Variants in SERPINB12 observed in about 807,000 individuals in gnomAD.
SERPINB12 encodes the protein serpin family B member 12, also known as serpin B12.
SERPINB12 carries 57 observed loss-of-function variants against 41.1 expected under a neutral mutation model. That is an observed-to-expected ratio of 1.39 (90% confidence interval 1.12 to 1.73). The LOEUF (loss-of-function observed/expected upper bound fraction) is 1.73. Ranked by LOEUF, SERPINB12 falls within the 40% of genes most tolerant of loss-of-function variation. SERPINB12 has a pLI of 0.00. For synonymous variants in SERPINB12, 180 were observed against 181.3 expected, an observed-to-expected ratio of 0.99 and a Z score of 0.06; for missense variants, 536 against 501.9, an observed-to-expected ratio of 1.07 and a Z score of -0.65.
chr18:63,543,808 G>A lies in SERPINB12; in HGVS notation c.-19+1316G>A, dbSNP rs559361041. 6.6e-5 allele frequency among the ~76,000 whole-genome samples: 10 copies of A among 152,202 alleles called. No homozygotes were observed. The East Asian group carries it at 1.9e-3, about 29-fold the overall frequency. On this transcript the variant is annotated intron_variant, in intron 1 of 7. Transcript: ENST00000382768. ...ATTTTTGTATTTTTAGTAGAGATGA[G>A]GTTTTGCCATGTTGGCCAGGCTGGT...
chr18:63,546,164 C>G (rs889285677), intron 1 of SERPINB12, among the ~76,000 whole-genome samples: 2 of 152,066 alleles, frequency 1.3e-5, no homozygotes, highest in Non-Finnish European at 2.9e-5. Flanking sequence ...TGTTGTCTGA[C>G]AACAAGTTAG....
At chr18:63,543,043 G>T (rs1336580511) in intron 1 of SERPINB12, among the ~76,000 whole-genome samples, 1 of 152,124 alleles carries the variant, frequency 6.6e-6, no homozygotes, top group Non-Finnish European at 1.5e-5. Context: ...AGATCATGCT[G>T]CTACTTTCTA....
the SERPINB12 span, among the ~76,000 whole-genome samples, chr18:63,531,310 C>T: frequency 1.3e-5 from 2 of 152,144 alleles, no homozygotes; most frequent in Non-Finnish European, 2.9e-5. Flanking sequence ...CTAATTTGTG[C>T]CAACTTCACA....
At chr18:63,524,997 G>A in the SERPINB12 span, among the ~76,000 whole-genome samples, 1 of 151,826 alleles carries the variant, frequency 6.6e-6, no homozygotes, top group Non-Finnish European at 1.5e-5. Context: ...TGATCTACCA[G>A]TCTCGGCCTC....
intron 6 of SERPINB12, among the ~76,000 whole-genome samples, chr18:63,564,351 T>C (rs1477167767): frequency 1.3e-5 from 2 of 152,242 alleles, no homozygotes; most frequent in Non-Finnish European, 2.9e-5. Context: ...CATTATGAGA[T>C]GGGTGTTATT....
upstream of SERPINB12, among the ~76,000 whole-genome samples, chr18:63,538,746 T>C (rs1005511210): frequency 3.9e-5 from 6 of 152,324 alleles, no homozygotes; most frequent in Admixed American, 3.9e-4. Context: ...ACTCAATGTT[T>C]AGCATTTTCA....
the SERPINB12 span, among the ~76,000 whole-genome samples, chr18:63,528,792 A>G: frequency 1.3e-5 from 2 of 152,156 alleles, no homozygotes; most frequent in Non-Finnish European, 2.9e-5. Context: ...CTCCAAAAGG[A>G]CACTTGTCTT....
rs894605164 is a variant in SERPINB12, at chr18:63,567,043, G to A, written c.*32G>A. The A allele has an allele frequency of 1.3e-6, 2 of 1,519,412 alleles. No individual in the cohort carries two copies. The highest frequency in any genetic ancestry group is 2.8e-5 in the African/African-American group (2 of 71,486). 94.1% of individuals were successfully genotyped at this position (1,519,412 alleles called of 1,614,324 possible). ...AGCAGTGTCTAGTACTTTGGAGCTG[G>A]AGGAAAATATCAATACAATCTTCCC... On this transcript the variant is annotated 3_prime_UTR_variant, in exon 8 of 8. Transcript: ENST00000382768.
intron 1 of SERPINB12, among the ~76,000 whole-genome samples, chr18:63,544,378 T>C (rs954163634): frequency 1.3e-5 from 2 of 152,232 alleles, no homozygotes; most frequent in Non-Finnish European, 2.9e-5. Flanking sequence ...ACTAATTCTA[T>C]GTAATTATAT....
chr18:63,534,655 G>A, the SERPINB12 span, among the ~76,000 whole-genome samples: 6 of 152,102 alleles, frequency 3.9e-5, no homozygotes, highest in South Asian at 4.2e-4. Flanking sequence ...AGGAGAAACC[G>A]GATCAAGCAG....
At chr18:63,558,003 A>AT (rs1054077358) in intron 2 of SERPINB12, among the ~76,000 whole-genome samples, 130 of 152,188 alleles carry the variant, frequency 8.5e-4, no homozygotes, top group African/African-American at 2.9e-3. Flanking sequence ...TTATTTATTT[A>AT]TTTTTTTATA....
intron 4 of SERPINB12, 53 bp downstream of exon 4, chr18:63,559,771 A>T (rs989243656): frequency 6.3e-7 from 1 of 1,591,724 alleles, no homozygotes; most frequent in Non-Finnish European, 8.6e-7. Flanking sequence ...ACTATTTAAA[A>T]ATCAGGGAGT....
chr18:63,542,994 A>G (rs1282109251), intron 1 of SERPINB12, among the ~76,000 whole-genome samples: 1 of 152,184 alleles, frequency 6.6e-6, no homozygotes, highest in South Asian at 2.1e-4. Flanking sequence ...ATGGCTGCAC[A>G]GTATTCCATG....
intron 3 of SERPINB12, among the ~76,000 whole-genome samples, chr18:63,559,052 T>TTCTTTCTC (rs1910800160): frequency 7.6e-6 from 1 of 132,060 alleles, no homozygotes; most frequent in Non-Finnish European, 1.6e-5. Context: ...CTTTCTTTCT[T>TTCTTTCTC]TCTTTCTCTC....
chr18:63,555,987 A>G (rs1462436893), intron 1 of SERPINB12, among the ~76,000 whole-genome samples, 155 bp from the exon 2 acceptor site: 1 of 152,170 alleles, frequency 6.6e-6, no homozygotes, highest in African/African-American at 2.4e-5. Context: ...ACCAATATTT[A>G]TATACAGGGA....
the SERPINB12 span, among the ~76,000 whole-genome samples, chr18:63,523,649 C>T: frequency 6.6e-6 from 1 of 152,244 alleles, no homozygotes; most frequent in East Asian, 1.9e-4. Context: ...TCGGACAGAT[C>T]AAGAAAAGCC....
At chr18:63,564,193 A>G (rs1911018067) in intron 6 of SERPINB12, 73 bp downstream of exon 6, 4 of 1,451,464 alleles carry the variant, frequency 2.8e-6, no homozygotes, top group Admixed American at 4.1e-5. Flanking sequence ...TACAATATGT[A>G]TACTCGAAAA....
At chr18:63,550,673 C>T (rs1232986688) in intron 1 of SERPINB12, among the ~76,000 whole-genome samples, 1 of 152,134 alleles carries the variant, frequency 6.6e-6, no homozygotes, top group South Asian at 2.1e-4. Flanking sequence ...GTCCTGAGGC[C>T]GGCTCATACC....
chr18:63,522,655 GA>G, the SERPINB12 span, among the ~76,000 whole-genome samples: 1 of 152,058 alleles, frequency 6.6e-6, no homozygotes, highest in Non-Finnish European at 1.5e-5. Flanking sequence ...TAAAGTTGAG[GA>G]AAATTTTTAT....
Sources: allele counts gnomAD v4.1 joint callset (sites outside exome capture counted in the v4.1 genomes callset), GRCh38; gene constraint gnomAD v4.1.1; transcripts MANE v1.5; gene names NCBI Gene and HGNC (gene_info 2026-07-23, HGNC 2026-07-21).